The following ABR variants were observed in gnomAD, a reference collection of about 807,000 sequenced individuals.
ABR encodes the protein active breakpoint cluster region-related protein.
Under a neutral mutation model 107.2 loss-of-function variants are expected in ABR, and 35 were observed. That is an observed-to-expected ratio of 0.33 (90% CI 0.25 to 0.43). ABR has a LOEUF of 0.43. Ranked by LOEUF, ABR falls within the 20% of genes least tolerant of loss-of-function variation. The pLI is 1.00. For synonymous variants in ABR, 498 were observed against 462.0 expected (o/e 1.08, Z -1.00); for missense variants, 815 against 1,115.2 (o/e 0.73, Z 3.83).
intron 6 of ABR, among the ~76,000 whole-genome samples, chr17:1,077,781 G>A (rs541826879): frequency 2.0e-5 from 3 of 152,178 alleles, no homozygotes; most frequent in Non-Finnish European, 4.4e-5. Context: ...GTGCAGAGCC[G>A]AAACACCTGG....
At chr17:1,181,460 C>T (rs958324886), upstream of ABR, among the ~76,000 whole-genome samples, 4 of 152,164 alleles carry the variant, frequency 2.6e-5, no homozygotes, top group Admixed American at 6.5e-5. Context: ...GGGCTCCCTC[C>T]GCCCCAATCC....
chr17:1,108,463 C>G (rs2038407351), intron 2 of ABR, among the ~76,000 whole-genome samples: 1 of 152,260 alleles, frequency 6.6e-6, no homozygotes, highest in African/African-American at 2.4e-5. Context: ...GCTGTTCCCT[C>G]CCCCCTTCAG....
intron 16 of ABR, among the ~76,000 whole-genome samples, chr17:1,039,081 G>C (rs188022915): frequency 2.0e-5 from 3 of 152,148 alleles, no homozygotes; most frequent in Non-Finnish European, 2.9e-5. Context: ...CTGGGAGCCC[G>C]GCACCCAGAG....
chr17:1,176,494 C>T (rs560877367), intron 1 of ABR, among the ~76,000 whole-genome samples: 2 of 152,322 alleles, frequency 1.3e-5, no homozygotes, highest in Non-Finnish European at 2.9e-5. Context: ...AACTGAGCCT[C>T]ACTTTCCTAC....
chr17:1,115,577 CCT>C (rs1476821574), intron 2 of ABR: 1 of 152,536 alleles, frequency 6.6e-6, no homozygotes, highest in Non-Finnish European at 1.5e-5. Flanking sequence ...CCCTCTGCCT[CCT>C]CTCTGTTCTA....
In ABR at chr17:1,050,582, G is replaced by T. The variant is rs1210169318; in HGVS notation, c.1614C>A (p.Ala538=). 6.2e-7 allele frequency: 1 copy of T among 1,614,012 alleles called. No individual in the cohort carries two copies. The highest frequency in any genetic ancestry group is 1.3e-5 in the African/African-American group (1 of 75,018). ...VDSFGYFVSK[A]KTRVFRDTAE... is the part of the protein sequence containing the mutation. ...CTGTGTCCCGGAACACCCTGGTTTT[G>T]GCTTTGCTGACAAAATAGCCGAAGG... Residue 538 remains alanine, a synonymous_variant, in exon 15 of 23, where the codon GCC becomes GCA. Coordinates refer to ENST00000302538, the MANE Select transcript of ABR (RefSeq NM_021962.5). The surrounding 1 kb of genome is among the most constrained non-coding windows in gnomAD (Gnocchi z 4.6).
intron 5 of ABR, among the ~76,000 whole-genome samples, chr17:1,082,475 C>T (rs1006181279): frequency 4.6e-5 from 7 of 151,422 alleles, no homozygotes; most frequent in African/African-American, 1.2e-4. Context: ...CGTGTGCTCC[C>T]GGCCAGGTAG....
intron 4 of ABR, among the ~76,000 whole-genome samples, chr17:1,089,939 G>A (rs1308611081): frequency 1.3e-5 from 2 of 152,162 alleles, no homozygotes; most frequent in African/African-American, 2.4e-5. Flanking sequence ...CAGCCTGGGC[G>A]ACAGGAGTGA....
chr17:1,031,821 C>A, intron 16 of ABR: 1 of 1,126,178 alleles, frequency 8.9e-7, no homozygotes, highest in South Asian at 4.4e-5. Context: ...CGCTAGTTCC[C>A]TAGTCCCGCC....
Position 1,150,898 on chromosome 17 carries a change from A to G in ABR, c.62-25531T>C, listed in dbSNP as rs186387209. The stretch of plus-strand genomic sequence containing the variant: ...GAGCTACTGGTGCGCGTATGTGTGC[A>G]TATATATACACATGTGCACACACAC... On this transcript the variant is annotated intron_variant, in intron 1 of 22. Transcript: ENST00000302538. The surrounding 1 kb of genome is among the most constrained non-coding windows in gnomAD (Gnocchi z 4.8). 1.1e-4 allele frequency among the ~76,000 whole-genome samples: 17 copies of G among 152,264 alleles called. No homozygotes were observed. The highest frequency in any genetic ancestry group is 4.6e-4 in the Admixed American group (7 of 15,278).
intron 21 of ABR, among the ~76,000 whole-genome samples, chr17:1,007,939 TG>T (rs1230505299): frequency 6.6e-6 from 1 of 152,194 alleles, no homozygotes; most frequent in African/African-American, 2.4e-5. Flanking sequence ...CCAGCTGTGC[TG>T]GGGCAGGAGC....
At chr17:1,077,245 G>A (rs2035810020) in intron 6 of ABR, among the ~76,000 whole-genome samples, 1 of 151,874 alleles carries the variant, frequency 6.6e-6, no homozygotes, top group African/African-American at 2.4e-5. Flanking sequence ...AGGATGGGGT[G>A]AGCCCCCTCC....
At chr17:1,169,772 G>A (rs1483641382) in intron 1 of ABR, among the ~76,000 whole-genome samples, 1 of 152,156 alleles carries the variant, frequency 6.6e-6, no homozygotes, top group Admixed American at 6.5e-5. Flanking sequence ...TTATGGCTGA[G>A]GGCTCTCTTT....
intron 1 of ABR, among the ~76,000 whole-genome samples, chr17:1,172,774 G>A (rs531248361): frequency 6.6e-6 from 1 of 151,822 alleles, no homozygotes; most frequent in African/African-American, 2.4e-5. Context: ...AGAAAAGCAA[G>A]CTACTCCCCA....
At chr17:1,062,674 C>A (rs1466886630) in intron 10 of ABR, among the ~76,000 whole-genome samples, 1 of 145,340 alleles carries the variant, frequency 6.9e-6, no homozygotes, top group Non-Finnish European at 1.6e-5. Context: ...GTTATGTGAA[C>A]TGAGGGCTAT....
intron 1 of ABR, among the ~76,000 whole-genome samples, chr17:1,132,179 TA>T (rs887566308): frequency 1.3e-4 from 20 of 151,854 alleles, no homozygotes; most frequent in Admixed American, 1.1e-3. Flanking sequence ...CTGGCCAACA[TA>T]AGGAGACTCT....
chr17:1,075,654 T>TA, intron 6 of ABR, among the ~76,000 whole-genome samples: 1 of 152,392 alleles, frequency 6.6e-6, no homozygotes, highest in East Asian at 1.9e-4. Flanking sequence ...TCAGCATTTC[T>TA]ATAAAGCTTC....
intron 2 of ABR, among the ~76,000 whole-genome samples, chr17:1,105,545 GAAAT>G (rs956440159): frequency 1.3e-5 from 2 of 152,150 alleles, no homozygotes; most frequent in African/African-American, 4.8e-5. Flanking sequence ...AGGTGAAACA[GAAAT>G]AGAGATGTTT....
At chr17:1,068,121 C>T (rs140547848) in intron 9 of ABR, among the ~76,000 whole-genome samples, 3 of 152,176 alleles carry the variant, frequency 2.0e-5, no homozygotes, top group African/African-American at 4.8e-5. Context: ...TCAGTAGAGA[C>T]GGAGTTTTGC....
Sources: allele counts gnomAD v4.1 joint callset (sites outside exome capture counted in the v4.1 genomes callset), GRCh38; gene constraint gnomAD v4.1.1; non-coding constraint Gnocchi (gnomAD v3.1); transcripts MANE v1.5; gene names NCBI Gene and HGNC (gene_info 2026-07-23, HGNC 2026-07-21).